The following PSD3 variants were observed in gnomAD, a reference collection of about 807,000 sequenced individuals.
PSD3 encodes the protein PH and SEC7 domain-containing protein 3.
A neutral mutation model predicts 105.5 loss-of-function variants in PSD3; 49 were observed. That is an observed-to-expected ratio of 0.46 (90% CI 0.37 to 0.59). The LOEUF (loss-of-function observed/expected upper bound fraction) is 0.59. Ranked by LOEUF, PSD3 falls within the 20% of genes least tolerant of loss-of-function variation. PSD3 has a pLI of 0.00. For synonymous variants in PSD3, 557 were observed against 457.8 expected (o/e 1.22, Z -2.77); for missense variants, 1,561 against 1,263.8 (o/e 1.24, Z -3.57).
chr8:18,975,933 T>C (rs1163070822), intron 1 of PSD3, among the ~76,000 whole-genome samples: 1 of 152,214 alleles, frequency 6.6e-6, no homozygotes, highest in Non-Finnish European at 1.5e-5. Flanking sequence ...ACTTTTATCA[T>C]TCTTCTAGAG....
intron 9 of PSD3, among the ~76,000 whole-genome samples, chr8:18,706,184 C>A (rs1400764751): frequency 2.6e-5 from 4 of 152,104 alleles, no homozygotes; most frequent in Non-Finnish European, 2.9e-5. Flanking sequence ...TCTGCCACAG[C>A]CGTTCTGTAG....
At chr8:19,048,402 C>G (rs1268382396) in intron 1 of PSD3, among the ~76,000 whole-genome samples, 1 of 152,194 alleles carries the variant, frequency 6.6e-6, no homozygotes, top group Non-Finnish European at 1.5e-5. Context: ...AAATGGTTTA[C>G]AGCCTTGAGC....
chr8:18,577,708 CAAGAT>C (rs892480265), intron 12 of PSD3, among the ~76,000 whole-genome samples: 23 of 152,046 alleles, frequency 1.5e-4, no homozygotes, highest in African/African-American at 5.1e-4. Flanking sequence ...CCCACATCAA[CAAGAT>C]AAGACTTTGA....
intron 8 of PSD3, among the ~76,000 whole-genome samples, chr8:18,795,633 C>T (rs1404936991): frequency 6.6e-6 from 1 of 152,160 alleles, no homozygotes; most frequent in Non-Finnish European, 1.5e-5. Flanking sequence ...CTATGCAATT[C>T]TATACTTAAC....
rs909299151 is a variant in PSD3 at position 18,848,125 on chromosome 8, G to C, written c.1634+19549C>G. Among the ~76,000 whole-genome samples the C allele has an allele frequency of 2.5e-5, 3 of 119,392 alleles. No homozygotes were observed. The South Asian group carries it at 7.5e-4, about 30-fold the overall frequency. The allele number at this position is 119,392 out of a possible 152,430, so 78.3% of individuals were successfully genotyped here. On this transcript the variant is annotated intron_variant, in intron 4 of 15. Transcript: ENST00000327040. ...CTGATCACAAGATACACAAGCTTTC[G>C]AGAGTTAAAAAAAAAAATCCCTAAA...
chr8:18,789,466 T>C (rs1394777411), intron 8 of PSD3, among the ~76,000 whole-genome samples: 1 of 152,194 alleles, frequency 6.6e-6, no homozygotes, highest in Non-Finnish European at 1.5e-5. Context: ...GGGTTTTTAA[T>C]GATTTAATGC....
chr8:19,073,378 C>G (rs1426604679), intron 1 of PSD3, among the ~76,000 whole-genome samples: 3 of 151,744 alleles, frequency 2.0e-5, no homozygotes, highest in Non-Finnish European at 4.4e-5. Context: ...TGGAGAAAGC[C>G]CATCTCTACC....
intron 3 of PSD3, 123 bp downstream of exon 3, chr8:18,871,503 T>C (rs1457224458): frequency 7.8e-7 from 1 of 1,285,980 alleles, no homozygotes; most frequent in Non-Finnish European, 1.1e-6. Flanking sequence ...GTAACTCATC[T>C]TATATTCCAT....
rs138713828 is a variant in PSD3 at position 18,549,823 on chromosome 8, G to T, written c.2928+6386C>A. Among the ~76,000 whole-genome samples the T allele has an allele frequency of 3.7e-3, 568 of 152,296 alleles. 3 individuals carry two copies. The highest frequency in any genetic ancestry group is 0.013 in the African/African-American group (541 of 41,570). On this transcript the variant is annotated intron_variant, in intron 15 of 15. Coordinates refer to ENST00000327040, the MANE Select transcript of PSD3 (RefSeq NM_015310.4). ...TTTTGTTTTATGTTTAACACTCATA[G>T]AAATCTTTGTGAAGGTGACATAATC...
intron 14 of PSD3, among the ~76,000 whole-genome samples, chr8:18,564,242 T>A (rs1192035223): frequency 2.0e-5 from 3 of 152,172 alleles, no homozygotes; most frequent in Admixed American, 2.0e-4. Context: ...TGCTGAAATA[T>A]TTAGTATTGG....
intron 1 of PSD3, among the ~76,000 whole-genome samples, chr8:19,033,646 G>A (rs1563521003): frequency 6.7e-6 from 1 of 149,720 alleles, no homozygotes; most frequent in Non-Finnish European, 1.5e-5. Context: ...TTTTCCCTTG[G>A]CTCTCTCTCA....
At chr8:18,830,800 T>C (rs1813623608) in intron 4 of PSD3, among the ~76,000 whole-genome samples, 1 of 152,156 alleles carries the variant, frequency 6.6e-6, no homozygotes, top group Admixed American at 6.5e-5. Context: ...CGTTTCAGGG[T>C]TCTCTAATCA....
chr8:18,608,155 G>C (rs1804996962), intron 11 of PSD3, among the ~76,000 whole-genome samples: 1 of 152,176 alleles, frequency 6.6e-6, no homozygotes, highest in African/African-American at 2.4e-5. Flanking sequence ...AGGAGGTTGA[G>C]GCTGCAGTGA....
intron 2 of PSD3, among the ~76,000 whole-genome samples, chr8:18,885,342 C>T (rs1478491561): frequency 2.6e-5 from 4 of 152,162 alleles, no homozygotes; most frequent in Non-Finnish European, 5.9e-5. Context: ...AATAACCCCA[C>T]AGTCTCGCTC....
chr8:18,841,317 AAC>A (rs1256150952), intron 4 of PSD3, among the ~76,000 whole-genome samples: 1 of 152,212 alleles, frequency 6.6e-6, no homozygotes, highest in African/African-American at 2.4e-5. Context: ...AGCCCACTAA[AAC>A]ACAGCACCTT....
intron 3 of PSD3, among the ~76,000 whole-genome samples, 177 bp from the exon 4 acceptor site, chr8:18,868,246 C>T (rs571563100): frequency 1.3e-5 from 2 of 152,246 alleles, no homozygotes; most frequent in East Asian, 3.9e-4. Flanking sequence ...AAATTCTTGG[C>T]ATGCATGTGG....
At chr8:19,075,044 C>T (rs529350218) in intron 1 of PSD3, among the ~76,000 whole-genome samples, 1 of 151,976 alleles carries the variant, frequency 6.6e-6, no homozygotes, top group South Asian at 2.1e-4. Context: ...CTCCCAGGTT[C>T]AAGCAACTTT....
rs1817381593 is a variant in PSD3, at chr8:18,871,917, G to A, written c.947C>T (p.Thr316Ile). The A allele has an allele frequency of 1.2e-6, 2 of 1,614,060 alleles. No homozygotes were observed. The highest frequency in any genetic ancestry group is 2.7e-5 in the African/African-American group (2 of 74,928). ...ILWTGGDKRE[T>I]QHPIDFETSL... ...TGTCTCAAAATCTATAGGATGCTGG[G>A]TCTCTCTCTTGTCTCCTCCTGTCCA... Residue 316 changes from threonine to isoleucine, a missense_variant, in exon 3 of 16, where the codon ACC (threonine) becomes ATC (isoleucine). Transcript: ENST00000327040.
At chr8:18,750,452 G>A (rs1011775113) in intron 9 of PSD3, among the ~76,000 whole-genome samples, 34 of 152,156 alleles carry the variant, frequency 2.2e-4, no homozygotes, top group Non-Finnish European at 4.4e-4. Flanking sequence ...CTGGGCTCAG[G>A]AGTGAAGCTG....
Sources: allele counts gnomAD v4.1 joint callset (sites outside exome capture counted in the v4.1 genomes callset), GRCh38; gene constraint gnomAD v4.1.1; transcripts MANE v1.5; gene names NCBI Gene and HGNC (gene_info 2026-07-23, HGNC 2026-07-21).